The following GRXCR1 variants were observed in gnomAD, a reference collection of about 807,000 sequenced individuals.
The protein encoded by GRXCR1 is glutaredoxin and cysteine rich domain containing 1.
Under a neutral mutation model 27.3 loss-of-function variants are expected in GRXCR1, and 27 were observed. That is an observed-to-expected ratio of 0.99 (90% CI 0.73 to 1.37). The LOEUF (loss-of-function observed/expected upper bound fraction) is 1.37, where lower values mean the gene tolerates loss of function less well. GRXCR1 is among the 40% of genes most tolerant of loss of function. GRXCR1 has a pLI of 0.00. For missense variants in GRXCR1, 379 were observed against 354.4 expected (o/e 1.07, Z -0.56); for synonymous variants, 122 against 131.1 (o/e 0.93, Z 0.47).
intron 2 of GRXCR1, among the ~76,000 whole-genome samples, chr4:43,010,627 C>G (rs1577944077): frequency 6.6e-6 from 1 of 151,960 alleles, no homozygotes; most frequent in Non-Finnish European, 1.5e-5. Flanking sequence ...AATTACTATT[C>G]TCTCTTAATT....
intron 1 of GRXCR1, among the ~76,000 whole-genome samples, chr4:42,949,789 G>T (rs1404742779): frequency 1.8e-4 from 28 of 152,154 alleles, no homozygotes; most frequent in Admixed American, 1.8e-3. Flanking sequence ...GTGAAGCCTG[G>T]AAGCCTGAGG....
At chr4:43,018,018 C>G (rs2109806008) in intron 2 of GRXCR1, among the ~76,000 whole-genome samples, 1 of 152,266 alleles carries the variant, frequency 6.6e-6, no homozygotes, top group South Asian at 2.1e-4. Flanking sequence ...GCCAAGTAGG[C>G]TAAAATCTCT....
chr4:42,939,730 T>A (rs1188329794), intron 1 of GRXCR1, among the ~76,000 whole-genome samples: 1 of 152,066 alleles, frequency 6.6e-6, no homozygotes, highest in Non-Finnish European at 1.5e-5. Context: ...GTCCAGATAG[T>A]ATGGTGGCAA....
chr4:42,987,253 A>AC (rs1560676930), intron 2 of GRXCR1, among the ~76,000 whole-genome samples: 3 of 68,604 alleles, frequency 4.4e-5, no homozygotes, highest in African/African-American at 1.7e-4. Flanking sequence ...TATATAATAT[A>AC]TATATATAAT....
At chr4:42,982,343 A>G (rs1187040982) in intron 2 of GRXCR1, among the ~76,000 whole-genome samples, 2 of 138,086 alleles carry the variant, frequency 1.4e-5, no homozygotes, top group Non-Finnish European at 3.1e-5. Context: ...ACTGAGAATG[A>G]TGATTTCCAA....
chr4:43,019,074 C>T (rs567411882), intron 2 of GRXCR1, among the ~76,000 whole-genome samples: 54 of 152,224 alleles, frequency 3.5e-4, no homozygotes, highest in Middle Eastern at 3.4e-3. Context: ...AGTAAATACT[C>T]CTATACTATA....
intron 1 of GRXCR1, among the ~76,000 whole-genome samples, chr4:42,949,758 TAC>T (rs1262532922): frequency 6.6e-6 from 1 of 152,144 alleles, no homozygotes; most frequent in African/African-American, 2.4e-5. Context: ...TGATCATTAG[TAC>T]AGTCAGAGAG....
intron 1 of GRXCR1, among the ~76,000 whole-genome samples, chr4:42,900,825 A>C (rs1416721378): frequency 6.6e-6 from 1 of 152,152 alleles, no homozygotes; most frequent in Non-Finnish European, 1.5e-5. Flanking sequence ...GGGAGGGTCT[A>C]GAGCAGGGTC....
chr4:42,962,864 T>G (rs1467369835), intron 1 of GRXCR1, 28 bp from the exon 2 acceptor site: 2 of 1,611,774 alleles, frequency 1.2e-6, no homozygotes, highest in African/African-American at 2.7e-5. Flanking sequence ...AAAGCAAACA[T>G]TCTTACAACT....
In GRXCR1 at chr4:42,991,928, T is replaced by C. The variant is rs544078981; in HGVS notation, c.628-28426T>C. Among the ~76,000 whole-genome samples the C allele has an allele frequency of 3.9e-5, 6 of 152,314 alleles. No homozygotes were observed. In the South Asian group the frequency reaches 1.2e-3, roughly 32 times the overall value. Reference sequence around the variant, plus strand: ...ACAAGTGTTGTTTTGAAAGTATTTTTTATTTTTTCCTATAGGCATGTGGCT... The same window carrying C: ...ACAAGTGTTGTTTTGAAAGTATTTTCTATTTTTTCCTATAGGCATGTGGCT... On this transcript the variant is annotated intron_variant, in intron 2 of 3. Coordinates refer to ENST00000399770, the MANE Select transcript of GRXCR1 (RefSeq NM_001080476.3).
At chr4:42,949,692 T>C (rs13119413) in intron 1 of GRXCR1, among the ~76,000 whole-genome samples, 19,003 of 152,202 alleles carry the variant, frequency 0.12, 1,327 homozygotes, top group Non-Finnish European at 0.16. Context: ...CTTTCATAAA[T>C]GGCCTCTAGC....
chr4:43,006,491 C>T (rs1712563210), intron 2 of GRXCR1, among the ~76,000 whole-genome samples: 1 of 152,170 alleles, frequency 6.6e-6, no homozygotes, highest in Non-Finnish European at 1.5e-5. Flanking sequence ...GCATCTGTCT[C>T]TTATGGTCGA....
chr4:43,001,142 C>T (rs528987463), intron 2 of GRXCR1, among the ~76,000 whole-genome samples: 1 of 151,092 alleles, frequency 6.6e-6, no homozygotes, highest in Non-Finnish European at 1.5e-5. Context: ...ACCATGTCAA[C>T]TTCTATCTTT....
At position 42,893,177 on chromosome 4, in the gene GRXCR1, T is replaced by C. The variant is rs865839109; in HGVS notation, c.-90T>C. 2.8e-6 allele frequency: 4 copies of C among 1,409,158 alleles called. No homozygotes were observed. Among genetic ancestry groups the C allele is most frequent in the Middle Eastern group, 2.4e-4 (1 of 4,178 alleles). 87.3% of individuals were successfully genotyped at this position (1,409,158 alleles called of 1,614,324 possible). On this transcript the variant is annotated 5_prime_UTR_variant, in exon 1 of 4. Transcript: ENST00000399770. Reference sequence around the variant, plus strand: ...CACAGGAGTGCTGCCATCACTAGAATTGGCTCTGATATTGCTATCTGGCAA... The same window carrying C: ...CACAGGAGTGCTGCCATCACTAGAACTGGCTCTGATATTGCTATCTGGCAA...
intron 2 of GRXCR1, among the ~76,000 whole-genome samples, chr4:43,006,167 G>A (rs945050168): frequency 2.0e-5 from 3 of 152,088 alleles, no homozygotes; most frequent in African/African-American, 7.2e-5. Context: ...AATCTTGTCA[G>A]CTGAGGAGGA....
chr4:42,902,214 A>C (rs1046003512), intron 1 of GRXCR1, among the ~76,000 whole-genome samples: 1 of 152,170 alleles, frequency 6.6e-6, no homozygotes, highest in African/African-American at 2.4e-5. Flanking sequence ...AAGATTAAGC[A>C]CCCCTAATGA....
At chr4:43,014,446 C>T (rs1039226407) in intron 2 of GRXCR1, among the ~76,000 whole-genome samples, 1 of 152,090 alleles carries the variant, frequency 6.6e-6, no homozygotes, top group African/African-American at 2.4e-5. Context: ...AGGTGCGGGT[C>T]GAACTCCTTC....
intron 1 of GRXCR1, among the ~76,000 whole-genome samples, chr4:42,942,938 T>A (rs1253624884): frequency 6.6e-6 from 1 of 152,004 alleles, no homozygotes; most frequent in East Asian, 1.9e-4. Context: ...CATTAATAAA[T>A]GACACAGGAA....
intron 1 of GRXCR1, among the ~76,000 whole-genome samples, chr4:42,939,616 T>C (rs1577913776): frequency 6.6e-6 from 1 of 152,054 alleles, no homozygotes; most frequent in South Asian, 2.1e-4. Context: ...AATGCTCTTG[T>C]TTTTGTCTTG....
Sources: gnomAD v4.1 joint callset for allele counts (sites outside exome capture counted in the v4.1 genomes callset) on GRCh38, gnomAD v4.1.1 for gene constraint, MANE v1.5 for transcripts, NCBI Gene and HGNC (gene_info 2026-07-23, HGNC 2026-07-21) for gene names.